The following AMBN variants were observed in gnomAD, a reference collection of about 807,000 sequenced individuals.
AMBN encodes the protein enamel matrix protein.
Under a neutral mutation model 48.0 loss-of-function variants are expected in AMBN, and 54 were observed. That is an observed-to-expected ratio of 1.12 (90% CI 0.90 to 1.41). The LOEUF (loss-of-function observed/expected upper bound fraction) is 1.41, where lower values mean the gene tolerates loss of function less well. Ranked by LOEUF, AMBN falls within the 40% of genes most tolerant of loss-of-function variation. The pLI, the probability that AMBN is intolerant of heterozygous loss-of-function variation, is 0.00. For missense variants in AMBN, 571 were observed against 547.3 expected (o/e 1.04, Z -0.43); for synonymous variants, 186 against 190.0 (o/e 0.98, Z 0.17).
chr4:70,606,436 C>G lies in AMBN; in HGVS notation c.1050C>G (p.His350Gln). 2 of 1,613,968 alleles carry G rather than the reference C, an allele frequency of 1.2e-6. No individual in the cohort carries two copies. The highest frequency in any genetic ancestry group is 2.2e-5 in the East Asian group (1 of 44,798). Residue 350 changes from histidine to glutamine, a missense_variant, in exon 13 of 13, where the codon CAC (histidine) becomes CAG (glutamine). Physicochemically the swap from His to Gln is conservative, Grantham distance 24. Transcript: ENST00000322937. ...TTACAGAGCTAGAACCTGCTCCCCA[C>G]GCAGGGCTCCTTGCTCTCCCTAAGG... ...AFLTELEPAP[H>Q]AGLLALPKDD... is the part of the protein sequence containing the mutation.
In AMBN at chr4:70,598,421, T is replaced by A. The variant is rs750588564; in HGVS notation, c.183+18T>A. ...TTTCTCAGGTAATCATATTTCTTATTGCAAGTATTCATGGTGGTGGTAGTG... is the reference window on the plus strand; with the variant it reads ...TTTCTCAGGTAATCATATTTCTTATAGCAAGTATTCATGGTGGTGGTAGTG... On this transcript the variant is annotated intron_variant, in intron 4 of 12. Transcript: ENST00000322937. 13 of 1,576,706 alleles carry A rather than the reference T, an allele frequency of 8.2e-6. No individual in the cohort carries two copies. Among genetic ancestry groups the A allele is most frequent in the Non-Finnish European group, 1.1e-5 (13 of 1,159,184 alleles).
rs920451759 is a variant in AMBN at position 70,592,457 on chromosome 4, A to G, written c.15+84A>G. The G allele has an allele frequency of 2.0e-6, 3 of 1,477,316 alleles. No individual in the cohort carries two copies. In the African/African-American group the frequency reaches 4.2e-5, roughly 21 times the overall value. The allele number at this position is 1,477,316 out of a possible 1,614,324, so 91.5% of individuals were successfully genotyped here. On this transcript the variant is annotated intron_variant, in intron 1 of 12. Coordinates refer to ENST00000322937, the MANE Select transcript of AMBN (RefSeq NM_016519.6). ...CTGACAGCTTTTATAAAGAGGATTT[A>G]TCTTCATTTGTCACCAGTAGCTGAA... is the stretch of plus-strand genomic sequence containing the variant.
chr4:70,592,261 G>C lies in AMBN; in HGVS notation c.-98G>C. The C allele has an allele frequency of 8.3e-7, 1 of 1,199,682 alleles. No individual in the cohort carries two copies. Among genetic ancestry groups the C allele is most frequent in the Non-Finnish European group, 1.2e-6 (1 of 828,062 alleles). 74.3% of individuals were successfully genotyped at this position (1,199,682 alleles called of 1,614,324 possible). A position where few individuals can be genotyped will look rare whatever the true frequency, so the allele number is the denominator to read the frequency against. On this transcript the variant is annotated 5_prime_UTR_variant, in exon 1 of 13. Coordinates refer to ENST00000322937, the MANE Select transcript of AMBN (RefSeq NM_016519.6). ...GTTTCTAATCTTCCCTGAATGAGAA[G>C]TACAGAGCAAGTCCCACGCACAGTC...
Position 70,599,555 on chromosome 4 carries a change from G to A in AMBN, c.203G>A (p.Gly68Glu), listed in dbSNP as rs774473809. The change falls in exon 5 of 13, where the codon GGA becomes GAA. Residue 68 changes from glycine to glutamate, a missense_variant. Transcript: ENST00000322937. Reference sequence around the variant, plus strand: ...CTTTAGTATTCTAGATACGGCTTTGGAAAATCATTTAATTCTTTGTGGATG... The same window carrying A: ...CTTTAGTATTCTAGATACGGCTTTGAAAAATCATTTAATTCTTTGTGGATG... ...TLSQYSRYGF[G>E]KSFNSLWMHG... The A allele has an allele frequency of 6.2e-7, 1 of 1,612,392 alleles. No homozygotes were observed. The highest frequency in any genetic ancestry group is 8.5e-7 in the Non-Finnish European group (1 of 1,179,058).
At chr4:70,605,146 C>T (rs1737613727) in intron 12 of AMBN, among the ~76,000 whole-genome samples, 2 of 151,844 alleles carry the variant, frequency 1.3e-5, no homozygotes, top group Admixed American at 6.6e-5. Flanking sequence ...GGCAGTTAGC[C>T]CAGTCCAGGG....
Position 70,599,586 on chromosome 4 carries a change from T to C in AMBN, c.234T>C (p.Gly78=). Reference sequence around the variant, plus strand: ...CATTTAATTCTTTGTGGATGCACGGTCTCCTCCCACCACATTCCTCTCTTC... The same window carrying C: ...CATTTAATTCTTTGTGGATGCACGGCCTCCTCCCACCACATTCCTCTCTTC... The part of the protein sequence containing the change: ...GKSFNSLWMH[G]LLPPHSSLPW... The change falls in exon 5 of 13, where the codon GGT becomes GGC. Residue 78 remains glycine, a synonymous_variant. Transcript: ENST00000322937. 1 of 1,613,754 alleles carries C rather than the reference T, an allele frequency of 6.2e-7. No homozygotes were observed. Among genetic ancestry groups the C allele is most frequent in the Non-Finnish European group, 8.5e-7 (1 of 1,179,854 alleles).
chr4:70,601,584 C>T lies in AMBN; in HGVS notation c.461C>T (p.Pro154Leu). 1 of 1,614,128 alleles carries T rather than the reference C, an allele frequency of 6.2e-7. No homozygotes were observed. Among genetic ancestry groups the T allele is most frequent in the Admixed American group, 1.7e-5 (1 of 60,018 alleles). Reference protein sequence around the residue: ...LQPPIHLGHLPLQEGELPLVQ... With the variant: ...LQPPIHLGHLLLQEGELPLVQ... ...CCTCCAATTCACCTGGGACATCTGCCCTTGCAGGAAGGAGAACTGCCTCTG... is the reference window on the plus strand; with the variant it reads ...CCTCCAATTCACCTGGGACATCTGCTCTTGCAGGAAGGAGAACTGCCTCTG... Residue 154 changes from proline (P) to leucine (L), a missense_variant, in exon 6 of 13, where the codon CCC (proline) becomes CTC (leucine). Coordinates refer to ENST00000322937, the MANE Select transcript of AMBN (RefSeq NM_016519.6).
chr4:70,606,799 T>C lies in AMBN; in HGVS notation c.*69T>C. The C allele has an allele frequency of 6.6e-7, 1 of 1,504,062 alleles. No homozygotes were observed. The highest frequency in any genetic ancestry group is 9.0e-7 in the Non-Finnish European group (1 of 1,117,154). The allele number at this position is 1,504,062 out of a possible 1,614,324, so 93.2% of individuals were successfully genotyped here. The stretch of plus-strand genomic sequence containing the variant: ...AGCTTTGTCCCCACAGTGTACCTTT[T>C]TGCTAAAACACTTATTACCCTTCTG... On this transcript the variant is annotated 3_prime_UTR_variant, in exon 13 of 13. Coordinates refer to ENST00000322937, the MANE Select transcript of AMBN (RefSeq NM_016519.6).
chr4:70,594,375 T>G (rs980841513), intron 2 of AMBN, among the ~76,000 whole-genome samples: 4 of 152,214 alleles, frequency 2.6e-5, no homozygotes, highest in African/African-American at 9.6e-5. Context: ...AAAACTTTAT[T>G]TGGCTGCTAT....
At chr4:70,593,228 T>C (rs1472085532) in intron 1 of AMBN, 99 bp from the exon 2 acceptor site, 2 of 922,898 alleles carry the variant, frequency 2.2e-6, no homozygotes, top group Admixed American at 2.4e-5. Flanking sequence ...CGGTGGTTTT[T>C]GTAAGAGCAG....
At chr4:70,593,237 A>T (rs1737314196) in intron 1 of AMBN, 90 bp from the exon 2 acceptor site, 2 of 1,025,858 alleles carry the variant, frequency 1.9e-6, no homozygotes, top group Non-Finnish European at 2.9e-6. Context: ...TTGTAAGAGC[A>T]GAGACTCAGG....
Position 70,606,465 on chromosome 4 carries a change from A to T in AMBN, c.1079A>T (p.Asp360Val). ...GGGCTCCTTGCTCTCCCTAAGGATG[A>T]CATTCCCGGCCTGCCAAGGAGCCCT... ...HAGLLALPKDDIPGLPRSPSG... is the reference protein window; with the variant it reads ...HAGLLALPKDVIPGLPRSPSG... The change falls in exon 13 of 13, where the codon GAC becomes GTC. Residue 360 changes from aspartate (D) to valine (V), a missense_variant. Coordinates refer to ENST00000322937, the MANE Select transcript of AMBN (RefSeq NM_016519.6). The T allele has an allele frequency of 6.2e-7, 1 of 1,613,990 alleles. No homozygotes were observed. Among genetic ancestry groups the T allele is most frequent in the Non-Finnish European group, 8.5e-7 (1 of 1,179,982 alleles).
At chr4:70,603,354 A>T (rs1737569465) in intron 10 of AMBN, 35 bp downstream of exon 10, 1 of 1,613,040 alleles carries the variant, frequency 6.2e-7, no homozygotes, top group Non-Finnish European at 8.5e-7. Flanking sequence ...TCTGTTTGCA[A>T]TTTACTTAAA....
intron 6 of AMBN, 142 bp from the exon 7 acceptor site, chr4:70,602,482 A>C: frequency 1.7e-6 from 1 of 600,656 alleles, no homozygotes; most frequent in South Asian, 4.0e-5. Flanking sequence ...AAATAATGAA[A>C]CTCATTTTAA....
chr4:70,593,267 T>G, intron 1 of AMBN, 60 bp from the exon 2 acceptor site: 1 of 1,422,240 alleles, frequency 7.0e-7, no homozygotes, highest in South Asian at 1.2e-5. Flanking sequence ...AAAAATTGTC[T>G]TTTAACCATT....
In AMBN at chr4:70,603,414, A is replaced by G; in HGVS notation, c.709-2A>G. 6.2e-7 allele frequency: 1 copy of G among 1,613,532 alleles called. No homozygotes were observed. The highest frequency in any genetic ancestry group is 1.7e-5 in the Admixed American group (1 of 60,000). ...TTGTGATAATGATTGTATTTTATTT[A>G]GCTTTATCCAGGAATGTTGTACGTG... On this transcript the variant is annotated splice_acceptor_variant, in intron 10 of 12. Coordinates refer to ENST00000322937, the MANE Select transcript of AMBN (RefSeq NM_016519.6). LOFTEE classifies it high-confidence loss of function.
intron 1 of AMBN, 152 bp downstream of exon 1, chr4:70,592,525 T>A: frequency 1.4e-6 from 1 of 734,380 alleles, no homozygotes; most frequent in Non-Finnish European, 2.2e-6. Context: ...AGAGATGACA[T>A]GCCTAACACC....
Position 70,606,644 on chromosome 4 carries a change from C to T in AMBN, c.1258C>T (p.Pro420Ser), listed in dbSNP as rs2109806189. Residue 420 changes from proline (P) to serine (S), a missense_variant, in exon 13 of 13, where the codon CCA becomes TCA. Physicochemically the swap from Pro to Ser is moderately conservative, Grantham distance 74. Coordinates refer to ENST00000322937, the MANE Select transcript of AMBN (RefSeq NM_016519.6). ...EEATMDTTMA[P>S]NSLQTSMPGN... ...AGCAACCATGGATACCACGATGGCC[C>T]CAAACTCTCTGCAAACATCCATGCC... 6.2e-7 allele frequency: 1 copy of T among 1,614,100 alleles called. No homozygotes were observed. Among genetic ancestry groups the T allele is most frequent in the Non-Finnish European group, 8.5e-7 (1 of 1,179,990 alleles).
In AMBN at chr4:70,603,027, A is replaced by G. The variant is rs751811155; in HGVS notation, c.648+17A>G. The G allele has an allele frequency of 1.5e-5, 24 of 1,596,084 alleles. No individual in the cohort carries two copies. The highest frequency in any genetic ancestry group is 1.1e-4 in the African/African-American group (8 of 74,150). ...GGTTCAACAGTAAGTACAGATCTCA[A>G]TGAGACACTGTCTTGCAAAAACTGT... On this transcript the variant is annotated intron_variant, in intron 9 of 12. Coordinates refer to ENST00000322937, the MANE Select transcript of AMBN (RefSeq NM_016519.6).
Sources: allele counts gnomAD v4.1 joint callset (sites outside exome capture counted in the v4.1 genomes callset), GRCh38; gene constraint gnomAD v4.1.1; transcripts MANE v1.5; gene names NCBI Gene and HGNC (gene_info 2026-07-23, HGNC 2026-07-21).